The following PXDNL variants were observed in gnomAD, a reference collection of about 807,000 sequenced individuals.
PXDNL encodes the protein peroxidasin like.
PXDNL carries 145 observed loss-of-function variants against 150.8 expected under a neutral mutation model. The ratio of observed to expected loss-of-function variants is 0.96; its 90% CI spans 0.84 to 1.10. The LOEUF is 1.10. PXDNL is among the 50% of genes least tolerant of loss of function. The pLI, the probability that PXDNL is intolerant of heterozygous loss-of-function variation, is 0.00. For synonymous variants in PXDNL, 757 were observed against 725.7 expected (o/e 1.04, Z -0.69); for missense variants, 2,087 against 1,873.9 (o/e 1.11, Z -2.10).
intron 2 of PXDNL, among the ~76,000 whole-genome samples, chr8:51,637,500 C>A (rs1250610988): frequency 6.6e-6 from 1 of 152,074 alleles, no homozygotes; most frequent in African/African-American, 2.4e-5. Flanking sequence ...GTAGAGAAGT[C>A]CTTAAATGAC....
chr8:51,798,430 A>T (rs529046092), intron 1 of PXDNL, among the ~76,000 whole-genome samples: 30 of 152,204 alleles, frequency 2.0e-4, no homozygotes, highest in Non-Finnish European at 4.0e-4. Context: ...TTTGCAATCT[A>T]TTCATCTGAG....
chr8:51,452,954 A>ACACACACACACACACACACACACG (rs1563418465), intron 10 of PXDNL, among the ~76,000 whole-genome samples: 86 of 152,188 alleles, frequency 5.7e-4, no homozygotes, highest in African/African-American at 2.0e-3. Context: ...ACACACACAC[A>ACACACACACACACACACACACACG]CATGCACGCA....
intron 17 of PXDNL, among the ~76,000 whole-genome samples, chr8:51,376,356 C>T (rs370776457): frequency 1.6e-4 from 25 of 152,184 alleles, no homozygotes; most frequent in Admixed American, 2.0e-4. Flanking sequence ...TGCCCTTCCC[C>T]ACTTTCTCCT....
At chr8:51,345,020 G>T (rs1472487539) in intron 20 of PXDNL, among the ~76,000 whole-genome samples, 2 of 152,136 alleles carry the variant, frequency 1.3e-5, no homozygotes, top group African/African-American at 2.4e-5. Flanking sequence ...TGTAATTGAA[G>T]AAATGGATGC....
chr8:51,801,234 A>G (rs2037616344), intron 1 of PXDNL, among the ~76,000 whole-genome samples: 1 of 152,160 alleles, frequency 6.6e-6, no homozygotes, highest in East Asian at 1.9e-4. Flanking sequence ...GGTCTCCTGC[A>G]GTACCCTCAG....
rs556723427 is a variant in PXDNL, at chr8:51,371,921, T to G, written c.3853A>C (p.Ser1285Arg). 19 of 1,614,016 alleles carry G rather than the reference T, an allele frequency of 1.2e-5. No homozygotes were observed. The highest frequency in any genetic ancestry group is 5.0e-5 in the Admixed American group (3 of 60,022). ...AEYPQDYLNC[S>R]EIPKVDLRVW... ...CGCAGGTCCACCTTCGGGATCTCGC[T>G]GCAGTTCAGGTAATCCTGTGGGTAT... The change falls in exon 19 of 23, where the codon AGC becomes CGC. Residue 1285 changes from serine to arginine, a missense_variant. By Grantham distance (110) the Ser-to-Arg change is moderately radical (BLOSUM62 -1). Coordinates refer to ENST00000356297, the MANE Select transcript of PXDNL (RefSeq NM_144651.5).
intron 10 of PXDNL, among the ~76,000 whole-genome samples, chr8:51,451,698 G>C (rs980861074): frequency 6.6e-6 from 1 of 152,078 alleles, no homozygotes; most frequent in African/African-American, 2.4e-5. Context: ...AAAAAAGGAA[G>C]TTTATCTGTG....
intron 10 of PXDNL, among the ~76,000 whole-genome samples, chr8:51,452,939 C>CATACACACACACACACACACACAA (rs1282447469): frequency 4.0e-5 from 6 of 150,046 alleles, no homozygotes; most frequent in African/African-American, 1.5e-4. Context: ...CACACAAACA[C>CATACACACACACACACACACACAA]ACACACACAC....
At chr8:51,606,437 C>T (rs948809736) in intron 2 of PXDNL, among the ~76,000 whole-genome samples, 2 of 152,188 alleles carry the variant, frequency 1.3e-5, no homozygotes, top group Non-Finnish European at 2.9e-5. Flanking sequence ...TCTTGTATAG[C>T]TCATTGTAAA....
intron 4 of PXDNL, among the ~76,000 whole-genome samples, chr8:51,541,820 C>T (rs1812222867): frequency 1.3e-5 from 2 of 152,158 alleles, no homozygotes; most frequent in Admixed American, 6.5e-5. Flanking sequence ...TGTCCCTTCC[C>T]TCATGGACCA....
intron 3 of PXDNL, among the ~76,000 whole-genome samples, chr8:51,573,601 C>A (rs1812990013): frequency 6.6e-6 from 1 of 151,996 alleles, no homozygotes; most frequent in African/African-American, 2.4e-5. Flanking sequence ...CAAGGAATCT[C>A]ACCACCATGT....
intron 2 of PXDNL, among the ~76,000 whole-genome samples, chr8:51,615,423 T>C (rs1817779058): frequency 6.6e-6 from 1 of 152,178 alleles, no homozygotes; most frequent in African/African-American, 2.4e-5. Context: ...TTCTGTGATG[T>C]CAGACTACAC....
intron 4 of PXDNL, among the ~76,000 whole-genome samples, chr8:51,501,676 A>G (rs1000613954): frequency 2.6e-5 from 4 of 152,134 alleles, no homozygotes; most frequent in African/African-American, 4.8e-5. Context: ...TGACACATGT[A>G]TTCACATATA....
chr8:51,516,527 T>A (rs1372987717), intron 4 of PXDNL, among the ~76,000 whole-genome samples: 1 of 152,236 alleles, frequency 6.6e-6, no homozygotes. Context: ...AATTAGGGTT[T>A]GTTGATGGCG....
In PXDNL at chr8:51,775,790, GC is replaced by G. The variant is rs201300656; in HGVS notation, c.164+33390del. On this transcript the variant is annotated intron_variant, in intron 1 of 22. Coordinates refer to ENST00000356297, the MANE Select transcript of PXDNL (RefSeq NM_144651.5). ...CACAAATTGTTTAAACAATTTGAAA[GC>G]TGGGCACCTTGAAAAAAGAACAGGA... Among the ~76,000 whole-genome samples the G allele has an allele frequency of 7.2e-4, 110 of 152,294 alleles. 1 individual carries two copies. The highest frequency in any genetic ancestry group is 2.5e-3 in the African/African-American group (105 of 41,562).
chr8:51,653,803 A>C (rs1337717159), intron 2 of PXDNL, among the ~76,000 whole-genome samples: 1 of 95,904 alleles, frequency 1.0e-5, no homozygotes, highest in Non-Finnish European at 3.0e-5. Context: ...CTCTATCATG[A>C]GAATATTATG....
intron 1 of PXDNL, among the ~76,000 whole-genome samples, chr8:51,740,677 G>GT (rs199681734): frequency 1.6e-4 from 24 of 150,468 alleles, no homozygotes; most frequent in African/African-American, 2.7e-4. Context: ...TAATGGGGTT[G>GT]TTTTTTTTTC....
intron 17 of PXDNL, among the ~76,000 whole-genome samples, chr8:51,404,381 T>C (rs1020958412): frequency 2.7e-5 from 4 of 149,918 alleles, no homozygotes; most frequent in African/African-American, 1.0e-4. Context: ...TTACAATCCC[T>C]GAGCTAGACA....
At chr8:51,380,016 A>C (rs925717045) in intron 17 of PXDNL, among the ~76,000 whole-genome samples, 1 of 152,088 alleles carries the variant, frequency 6.6e-6, no homozygotes, top group Non-Finnish European at 1.5e-5. Flanking sequence ...AATTACTAAA[A>C]GCTTTATATC....
Sources: gnomAD v4.1 joint callset for allele counts (sites outside exome capture counted in the v4.1 genomes callset) on GRCh38, gnomAD v4.1.1 for gene constraint, MANE v1.5 for transcripts, NCBI Gene and HGNC (gene_info 2026-07-23, HGNC 2026-07-21) for gene names.